Variants in SERAC1 observed in about 807,000 individuals in gnomAD.
SERAC1 encodes the protein serine active site containing 1, also known as protein SERAC1.
Under a neutral mutation model 85.7 loss-of-function variants are expected in SERAC1, and 36 were observed. The observed-to-expected ratio is 0.42, with a 90% CI of 0.32 to 0.55. The LOEUF (loss-of-function observed/expected upper bound fraction) is 0.55. Ranked by LOEUF, SERAC1 falls within the 20% of genes least tolerant of loss-of-function variation. The pLI is 0.11. For missense variants in SERAC1, 629 were observed against 796.2 expected, an observed-to-expected ratio of 0.79 and a Z score of 2.53; for synonymous variants, 242 against 265.3, an observed-to-expected ratio of 0.91 and a Z score of 0.85.
chr6:158,161,769 T>C (rs539040730), intron 1 of SERAC1: 1 of 151,928 alleles, frequency 6.6e-6, no homozygotes, highest in Non-Finnish European at 1.5e-5. Context: ...AACCAACCAA[T>C]CCCAGGTGCA....
In SERAC1 at chr6:158,119,810, T is replaced by G. The variant is rs955799563; in HGVS notation, c.1166+615A>C. Among the ~76,000 whole-genome samples the G allele has an allele frequency of 2.1e-4, 32 of 152,320 alleles. No individual in the cohort carries two copies. The highest frequency in any genetic ancestry group is 7.7e-4 in the African/African-American group (32 of 41,576). On this transcript the variant is annotated intron_variant, in intron 11 of 16. Transcript: ENST00000647468. The surrounding 1 kb of genome is among the most constrained non-coding windows in gnomAD (Gnocchi z 4.5). ...AGTTTTTGCTATTTTCTGAGGTACTTTTTGTAAAGTGCCCTAAGAAAACCA... is the reference window on the plus strand; with the variant it reads ...AGTTTTTGCTATTTTCTGAGGTACTGTTTGTAAAGTGCCCTAAGAAAACCA...
At chr6:158,160,051 G>A (rs992272866) in intron 1 of SERAC1, among the ~76,000 whole-genome samples, 2 of 152,130 alleles carry the variant, frequency 1.3e-5, no homozygotes, top group Admixed American at 1.3e-4. Flanking sequence ...TACTAGGCTT[G>A]TTAATTTTGT....
chr6:158,156,872 T>C (rs1022832716), intron 2 of SERAC1, among the ~76,000 whole-genome samples: 1 of 99,984 alleles, frequency 1.0e-5, no homozygotes, highest in Non-Finnish European at 2.1e-5. Flanking sequence ...ATTAATATAT[T>C]TATATAGATA....
intron 8 of SERAC1, among the ~76,000 whole-genome samples, chr6:158,131,771 G>C (rs905423109): frequency 6.6e-6 from 1 of 152,126 alleles, no homozygotes. Context: ...TGATAGATAT[G>C]CAAGTTTGCT....
intron 10 of SERAC1, among the ~76,000 whole-genome samples, chr6:158,123,237 C>G (rs1241198022): frequency 6.6e-6 from 1 of 152,154 alleles, no homozygotes; most frequent in Admixed American, 6.5e-5. Flanking sequence ...ATGTTTTTCA[C>G]ATCTTCCTCC....
At chr6:158,159,989 A>G (rs919413676) in intron 1 of SERAC1, among the ~76,000 whole-genome samples, 2 of 152,228 alleles carry the variant, frequency 1.3e-5, no homozygotes, top group South Asian at 4.1e-4. Context: ...GTCAATATTT[A>G]TAAATATATC....
At chr6:158,164,414 G>C (rs966362960) in intron 1 of SERAC1, among the ~76,000 whole-genome samples, 1 of 152,090 alleles carries the variant, frequency 6.6e-6, no homozygotes, top group Non-Finnish European at 1.5e-5. Flanking sequence ...GGTGCAGCTT[G>C]CAGTGAGCAA....
intron 1 of SERAC1, among the ~76,000 whole-genome samples, chr6:158,163,591 G>C (rs958857705): frequency 2.6e-5 from 4 of 152,128 alleles, no homozygotes; most frequent in African/African-American, 9.7e-5. Context: ...ACCAGCCTAG[G>C]CAATACAGTG....
At chr6:158,130,301 G>T in intron 9 of SERAC1, 72 bp downstream of exon 9, 1 of 799,556 alleles carries the variant, frequency 1.3e-6, no homozygotes, top group Non-Finnish European at 1.9e-6. Context: ...TATTGCCCTT[G>T]CAAAAATCAA....
chr6:158,128,721 G>T (rs529358907), intron 9 of SERAC1, among the ~76,000 whole-genome samples: 1 of 152,282 alleles, frequency 6.6e-6, no homozygotes, highest in African/African-American at 2.4e-5. Flanking sequence ...CGAGACCAGT[G>T]ACCTCTGTGG....
At position 158,146,790 on chromosome 6, in the gene SERAC1, T is replaced by C; in HGVS notation, c.479A>G (p.His160Arg). 6.2e-7 allele frequency: 1 copy of C among 1,613,616 alleles called. No individual in the cohort carries two copies. Among genetic ancestry groups the C allele is most frequent in the Non-Finnish European group, 8.5e-7 (1 of 1,179,696 alleles). ...EAVREMSETH[H>R]WHDYQYRIIA... is the part of the protein sequence containing the mutation. ...TCAGGTAGTCTCATTACCATGCCAG[T>C]GATGGGTCTCCGACATTTCCCGCAC... The change falls in exon 6 of 17, where the codon CAC becomes CGC. Residue 160 changes from histidine (H) to arginine (R), a missense_variant. Physicochemically the swap from His to Arg is conservative, Grantham distance 29. Coordinates refer to ENST00000647468, the MANE Select transcript of SERAC1 (RefSeq NM_032861.4).
At chr6:158,167,346 T>C (rs1324194628) in intron 1 of SERAC1, among the ~76,000 whole-genome samples, 2 of 151,064 alleles carry the variant, frequency 1.3e-5, no homozygotes, top group African/African-American at 2.4e-5. Flanking sequence ...CAGACCAGCC[T>C]GGCCAACATG....
intron 8 of SERAC1, among the ~76,000 whole-genome samples, chr6:158,138,435 C>CA (rs60850749): frequency 0.26 from 19,074 of 72,866 alleles, 2,097 homozygotes; most frequent in Middle Eastern, 0.41. Flanking sequence ...GACTCTGTCT[C>CA]AAAAAAAAAA....
rs191703276 is a variant in SERAC1 at position 158,147,896 on chromosome 6, T to C, written c.355+969A>G. Reference sequence around the variant, plus strand: ...TCACATGTAATTTTTCCCAAACTATTTGAAAGGATGATGTAGACAAAATGA... The same window carrying C: ...TCACATGTAATTTTTCCCAAACTATCTGAAAGGATGATGTAGACAAAATGA... On this transcript the variant is annotated intron_variant, in intron 5 of 16. Coordinates refer to ENST00000647468, the MANE Select transcript of SERAC1 (RefSeq NM_032861.4). 3.3e-5 allele frequency among the ~76,000 whole-genome samples: 5 copies of C among 151,918 alleles called. No individual in the cohort carries two copies. The East Asian group carries it at 5.8e-4, about 18-fold the overall frequency.
Position 158,130,431 on chromosome 6 carries a change from T to G in SERAC1, c.794A>C (p.Glu265Ala). The G allele has an allele frequency of 6.2e-7, 1 of 1,603,928 alleles. No individual in the cohort carries two copies. Among genetic ancestry groups the G allele is most frequent in the Non-Finnish European group, 8.5e-7 (1 of 1,176,606 alleles). Residue 265 changes from glutamate (E) to alanine (A), a missense_variant, in exon 9 of 17, where the codon GAA (glutamate) becomes GCA (alanine). By Grantham distance (107) the Glu-to-Ala change is moderately radical. Coordinates refer to ENST00000647468, the MANE Select transcript of SERAC1 (RefSeq NM_032861.4). Reference sequence around the variant, plus strand: ...CATTTCCACTGTTGCTGAAGGAACTTCTCCAAAACTTTCAGCATAAGGAAG... The same window carrying G: ...CATTTCCACTGTTGCTGAAGGAACTGCTCCAAAACTTTCAGCATAAGGAAG... ...NGLPYAESFG[E>A]VPSATVEMFC...
chr6:158,165,025 T>G (rs1785565430), intron 1 of SERAC1, among the ~76,000 whole-genome samples: 1 of 152,154 alleles, frequency 6.6e-6, no homozygotes, highest in Non-Finnish European at 1.5e-5. Flanking sequence ...AGAATCCGAG[T>G]CCCTGATGAT....
intron 15 of SERAC1, 97 bp downstream of exon 15, chr6:158,114,692 A>AAAATGAGATAATACATTCAAGGAATATG: frequency 6.3e-7 from 1 of 1,577,432 alleles, no homozygotes; most frequent in Non-Finnish European, 8.6e-7. Context: ...TACAAATTAT[A>AAAATGAGATAATACATTCAAGGAATATG]AAATGAGATA....
intron 1 of SERAC1, chr6:158,161,837 AG>A (rs1240407086): frequency 2.0e-5 from 3 of 152,338 alleles, no homozygotes; most frequent in South Asian, 2.1e-4. Flanking sequence ...CCTCAGAGCC[AG>A]GTACTAGGCA....
At chr6:158,141,079 G>A (rs576519920) in intron 8 of SERAC1, among the ~76,000 whole-genome samples, 6 of 152,260 alleles carry the variant, frequency 3.9e-5, no homozygotes, top group South Asian at 2.1e-4. Flanking sequence ...AATAAAATGC[G>A]GCATAGCCAT....
Sources: gnomAD v4.1 joint callset for allele counts (sites outside exome capture counted in the v4.1 genomes callset) on GRCh38, gnomAD v4.1.1 for gene constraint, Gnocchi (gnomAD v3.1) non-coding constraint, MANE v1.5 for transcripts, NCBI Gene and HGNC (gene_info 2026-07-23, HGNC 2026-07-21) for gene names.